Variants in PRKG1 observed in about 807,000 individuals in gnomAD.
The protein encoded by PRKG1 is cGMP-dependent protein kinase 1.
A neutral mutation model predicts 88.1 loss-of-function variants in PRKG1; 35 were observed. That is an observed-to-expected ratio of 0.40 (90% CI 0.30 to 0.53). The LOEUF (loss-of-function observed/expected upper bound fraction) is 0.53, where lower values mean the gene tolerates loss of function less well. Ranked by LOEUF, PRKG1 falls within the 20% of genes least tolerant of loss-of-function variation. PRKG1 has a pLI of 0.59. For synonymous variants in PRKG1, 303 were observed against 292.5 expected (o/e 1.04, Z -0.37); for missense variants, 540 against 839.8 (o/e 0.64, Z 4.41).
intron 2 of PRKG1, among the ~76,000 whole-genome samples, chr10:51,209,521 A>T (rs1194931531): frequency 6.6e-6 from 1 of 152,136 alleles, no homozygotes; most frequent in African/African-American, 2.4e-5. Flanking sequence ...TGATTGTCCT[A>T]TTTTCTTTCT....
chr10:52,139,661 T>G (rs1245587086), intron 8 of PRKG1, among the ~76,000 whole-genome samples: 1 of 152,114 alleles, frequency 6.6e-6, no homozygotes, highest in Non-Finnish European at 1.5e-5. Flanking sequence ...TATGTAACTC[T>G]TCTCAGGGAG....
intron 5 of PRKG1, among the ~76,000 whole-genome samples, chr10:52,036,539 G>C (rs1428663979): frequency 6.6e-6 from 1 of 151,968 alleles, no homozygotes; most frequent in Non-Finnish European, 1.5e-5. Context: ...AGGGTGATTA[G>C]GTTTTAATGA....
At chr10:52,258,636 A>G (rs1841362184) in intron 10 of PRKG1, among the ~76,000 whole-genome samples, 1 of 152,104 alleles carries the variant, frequency 6.6e-6, no homozygotes, top group African/African-American at 2.4e-5. Context: ...ATATTAGGCA[A>G]AAATCATCTG....
rs1844117708 is a variant in PRKG1, at chr10:51,081,767, T to C, written c.311+6866T>C. 3.3e-5 allele frequency among the ~76,000 whole-genome samples: 5 copies of C among 152,304 alleles called. No individual in the cohort carries two copies. In the South Asian group the frequency reaches 1.0e-3, roughly 32 times the overall value. Reference sequence around the variant, plus strand: ...TTCATTGATTGAATGATTGATTGATTGATTGAGACAGGTTCTTTCTGTCTT... The same window carrying C: ...TTCATTGATTGAATGATTGATTGATCGATTGAGACAGGTTCTTTCTGTCTT... On this transcript the variant is annotated intron_variant, in intron 1 of 17. Transcript: ENST00000373980.
intron 9 of PRKG1, among the ~76,000 whole-genome samples, chr10:52,242,872 A>C (rs12245437): frequency 0.021 from 3,211 of 151,840 alleles, 118 homozygotes; most frequent in African/African-American, 0.074. Context: ...CTCCAGCCTG[A>C]GTGACAGACG....
At chr10:51,263,066 A>G (rs1839754211) in intron 2 of PRKG1, among the ~76,000 whole-genome samples, 1 of 152,070 alleles carries the variant, frequency 6.6e-6, no homozygotes, top group East Asian at 1.9e-4. Flanking sequence ...AGAGATTTGT[A>G]CTCTGTCTTA....
intron 4 of PRKG1, among the ~76,000 whole-genome samples, chr10:51,899,431 G>A (rs1372644300): frequency 1.3e-5 from 2 of 151,520 alleles, no homozygotes; most frequent in Non-Finnish European, 2.9e-5. Context: ...TTGGAAGACC[G>A]AGTAGGGTGG....
intron 3 of PRKG1, among the ~76,000 whole-genome samples, chr10:51,761,391 A>C (rs1838018582): frequency 6.6e-6 from 1 of 152,234 alleles, no homozygotes; most frequent in Admixed American, 6.5e-5. Flanking sequence ...GAAAGTGTCC[A>C]GCTGAGTATT....
At position 52,294,178 on chromosome 10, in the gene PRKG1, C is replaced by G. The variant is rs972434295; in HGVS notation, c.*278C>G. The G allele has an allele frequency of 6.2e-6, 2 of 320,592 alleles. No homozygotes were observed. 19.9% of individuals were successfully genotyped at this position (320,592 alleles called of 1,614,324 possible). On this transcript the variant is annotated 3_prime_UTR_variant, in exon 18 of 18. Transcript: ENST00000373980. ...AAGATGTTTTCTATTGTTGCAATGA[C>G]CTTGCTTTGCTCTGATTATAATTTG... is the stretch of plus-strand genomic sequence containing the variant.
intron 2 of PRKG1, among the ~76,000 whole-genome samples, chr10:51,347,018 C>T (rs934767187): frequency 3.3e-5 from 5 of 152,148 alleles, no homozygotes; most frequent in Non-Finnish European, 4.4e-5. Flanking sequence ...GGATGCTTCC[C>T]TCTCACCTCG....
chr10:51,384,072 T>G (rs948465492), intron 2 of PRKG1, among the ~76,000 whole-genome samples: 12 of 152,090 alleles, frequency 7.9e-5, no homozygotes, highest in African/African-American at 2.4e-4. Flanking sequence ...GACATCAATA[T>G]AACTGTTAAA....
chr10:51,752,002 C>A (rs1444476119), intron 3 of PRKG1, among the ~76,000 whole-genome samples: 2 of 152,124 alleles, frequency 1.3e-5, no homozygotes, highest in Non-Finnish European at 2.9e-5. Context: ...AACTCTAGTA[C>A]AAACTTTTTT....
chr10:52,277,565 T>C (rs1211774379), intron 12 of PRKG1, among the ~76,000 whole-genome samples: 2 of 152,144 alleles, frequency 1.3e-5, no homozygotes, highest in African/African-American at 2.4e-5. Context: ...GTTACTGTTA[T>C]TAGCCCCATT....
At chr10:52,283,925 A>G (rs1211107002) in intron 14 of PRKG1, among the ~76,000 whole-genome samples, 1 of 152,022 alleles carries the variant, frequency 6.6e-6, no homozygotes, top group East Asian at 1.9e-4. Context: ...TAATAACTAG[A>G]CTAAAATATT....
At chr10:51,762,320 A>G (rs1224829229) in intron 3 of PRKG1, among the ~76,000 whole-genome samples, 1 of 152,178 alleles carries the variant, frequency 6.6e-6, no homozygotes, top group Admixed American at 6.5e-5. Flanking sequence ...TCATATTTGG[A>G]TAACACATAC....
At chr10:51,879,900 G>A (rs964445504) in intron 4 of PRKG1, among the ~76,000 whole-genome samples, 3 of 152,220 alleles carry the variant, frequency 2.0e-5, no homozygotes, top group Non-Finnish European at 2.9e-5. Context: ...GGGCCACTAT[G>A]GCAAGCAAGG....
Position 52,081,212 on chromosome 10 carries a change from A to G in PRKG1, c.935+18581A>G, listed in dbSNP as rs183941982. On this transcript the variant is annotated intron_variant, in intron 7 of 17. Transcript: ENST00000373980. ...AGAAACTTTGGAGTTAATGTGGTAC[A>G]ATAAAAAATACTGGGGATCAGGCAA... Among the ~76,000 whole-genome samples the G allele has an allele frequency of 1.4e-3, 215 of 152,326 alleles. 3 individuals are homozygous for G. The highest frequency in any genetic ancestry group is 6.8e-3 in the Middle Eastern group (2 of 294).
At chr10:51,435,901 T>G (rs1381947030) in intron 2 of PRKG1, among the ~76,000 whole-genome samples, 1 of 152,038 alleles carries the variant, frequency 6.6e-6, no homozygotes, top group East Asian at 1.9e-4. Flanking sequence ...CCCGAGTATG[T>G]TATGCAGATA....
chr10:51,732,656 C>T (rs186679311), intron 3 of PRKG1, among the ~76,000 whole-genome samples: 4 of 152,164 alleles, frequency 2.6e-5, no homozygotes, highest in South Asian at 2.1e-4. Context: ...AGGATCTTAA[C>T]GAAATCAGAT....
Sources: allele counts gnomAD v4.1 joint callset (sites outside exome capture counted in the v4.1 genomes callset), GRCh38; gene constraint gnomAD v4.1.1; transcripts MANE v1.5; gene names NCBI Gene and HGNC (gene_info 2026-07-23, HGNC 2026-07-21).